The following SLC7A2 variants were observed in gnomAD, a reference collection of about 807,000 sequenced individuals.
SLC7A2 encodes solute carrier family 7 member 2, also known as cationic amino acid transporter 2.
SLC7A2 carries 48 observed loss-of-function variants against 58.9 expected under a neutral mutation model. The ratio of observed to expected loss-of-function variants is 0.82; its 90% CI spans 0.65 to 1.04. SLC7A2 has a LOEUF of 1.04. Among genes scored for constraint, SLC7A2 ranks in the 50% least tolerant of loss-of-function variants. The pLI is 0.00. For missense variants in SLC7A2, 1,029 were observed against 818.8 expected (o/e 1.26, Z -3.13); for synonymous variants, 363 against 314.5 (o/e 1.15, Z -1.63).
intron 2 of SLC7A2, among the ~76,000 whole-genome samples, chr8:17,508,153 G>A (rs1800450642): frequency 6.6e-6 from 1 of 151,904 alleles, no homozygotes; most frequent in South Asian, 2.1e-4. Context: ...ATAACAGATG[G>A]TTTGCACTTA....
chr8:17,554,776 G>A, intron 8 of SLC7A2, 77 bp downstream of exon 8: 1 of 1,476,078 alleles, frequency 6.8e-7, no homozygotes, highest in Non-Finnish European at 9.1e-7. Context: ...TACAAAGCTA[G>A]GTGGTTTTCT....
intron 2 of SLC7A2, among the ~76,000 whole-genome samples, chr8:17,529,290 G>A (rs934454913): frequency 1.3e-5 from 2 of 152,054 alleles, no homozygotes; most frequent in Non-Finnish European, 2.9e-5. Context: ...TTTTCTTAAT[G>A]TTCTCTCTGC....
intron 2 of SLC7A2, among the ~76,000 whole-genome samples, chr8:17,504,090 G>A (rs1014155446): frequency 6.6e-6 from 1 of 152,208 alleles, no homozygotes; most frequent in Non-Finnish European, 1.5e-5. Context: ...CAGAGGCCTG[G>A]CGTTTTGCAT....
At chr8:17,526,857 G>C (rs889396780) in intron 2 of SLC7A2, among the ~76,000 whole-genome samples, 2 of 152,148 alleles carry the variant, frequency 1.3e-5, no homozygotes, top group African/African-American at 4.8e-5. Context: ...TGGCGAATTT[G>C]GAAAGTTTCA....
Position 17,568,886 on chromosome 8 carries a change from C to G in SLC7A2, c.*3740C>G, listed in dbSNP as rs576034470. On this transcript the variant is annotated 3_prime_UTR_variant, in exon 13 of 13. Coordinates refer to ENST00000494857, the MANE Select transcript of SLC7A2 (RefSeq NM_001370338.1). ...TGCTGAGGTGGGAGGATCGCTTGAG[C>G]CCAGGAGAGTGAGGCTGCAGTGAGC... is the stretch of plus-strand genomic sequence containing the variant. The G allele has an allele frequency of 6.6e-6, 1 of 152,212 alleles. No homozygotes were observed. Among genetic ancestry groups the G allele is most frequent in the South Asian group, 2.1e-4 (1 of 4,822 alleles). 9.4% of individuals were successfully genotyped at this position (152,212 alleles called of 1,614,324 possible).
intron 2 of SLC7A2, among the ~76,000 whole-genome samples, chr8:17,522,995 A>T (rs1801077252): frequency 6.6e-6 from 1 of 152,116 alleles, no homozygotes; most frequent in Admixed American, 6.5e-5. Flanking sequence ...TGATCACACC[A>T]CTGCACTCCA....
At chr8:17,541,160 T>A (rs1313257267) in intron 2 of SLC7A2, among the ~76,000 whole-genome samples, 1 of 152,192 alleles carries the variant, frequency 6.6e-6, no homozygotes, top group Non-Finnish European at 1.5e-5. Context: ...TAAAAATGCT[T>A]AAATATTACA....
chr8:17,543,296 T>A (rs777732323), intron 2 of SLC7A2, 22 bp from the exon 3 acceptor site: 1 of 1,568,672 alleles, frequency 6.4e-7, no homozygotes, highest in Non-Finnish European at 8.6e-7. Flanking sequence ...GATCAGCTTC[T>A]AACCTCCTCC....
intron 2 of SLC7A2, among the ~76,000 whole-genome samples, chr8:17,537,145 C>G (rs1402863250): frequency 6.6e-6 from 1 of 152,206 alleles, no homozygotes; most frequent in Non-Finnish European, 1.5e-5. Flanking sequence ...CAACCTCTGC[C>G]TCCTGAGTTC....
At chr8:17,513,787 TG>T (rs895623559) in intron 2 of SLC7A2, among the ~76,000 whole-genome samples, 1 of 152,212 alleles carries the variant, frequency 6.6e-6, no homozygotes, top group Non-Finnish European at 1.5e-5. Context: ...ATTGACTTTT[TG>T]TCCCACTTAC....
intron 2 of SLC7A2, among the ~76,000 whole-genome samples, chr8:17,529,555 G>T (rs1259767956): frequency 6.8e-6 from 1 of 147,550 alleles, no homozygotes; most frequent in Non-Finnish European, 1.5e-5. Flanking sequence ...TTGAGAGATA[G>T]AGTCTTGCTC....
At chr8:17,536,922 C>T (rs1017930762) in intron 2 of SLC7A2, among the ~76,000 whole-genome samples, 2 of 152,202 alleles carry the variant, frequency 1.3e-5, no homozygotes, top group Non-Finnish European at 2.9e-5. Flanking sequence ...GAATCTTGCA[C>T]ACCCAGCGTT....
In SLC7A2 at chr8:17,554,605, G is replaced by T; in HGVS notation, c.1101G>T (p.Met367Ile). The T allele has an allele frequency of 2.5e-6, 4 of 1,613,402 alleles. No homozygotes were observed. The highest frequency in any genetic ancestry group is 3.4e-6 in the Non-Finnish European group (4 of 1,179,868). ...CAATGCCTCGTGTAATCTATGCTATGGCGGAGGATGGGTTGCTTTTCAAAT... is the reference window on the plus strand; with the variant it reads ...CAATGCCTCGTGTAATCTATGCTATTGCGGAGGATGGGTTGCTTTTCAAAT... The part of the protein sequence containing the change: ...IFPMPRVIYA[M>I]AEDGLLFKCL... Residue 367 changes from methionine (M) to isoleucine (I), a missense_variant, in exon 8 of 13, where the codon ATG becomes ATT. By Grantham distance (10) the Met-to-Ile change is conservative. Coordinates refer to ENST00000494857, the MANE Select transcript of SLC7A2 (RefSeq NM_001370338.1).
intron 11 of SLC7A2, among the ~76,000 whole-genome samples, chr8:17,562,373 G>A (rs554569809): frequency 6.6e-6 from 1 of 151,790 alleles, no homozygotes; most frequent in African/African-American, 2.4e-5. Flanking sequence ...CTCAGCTAAT[G>A]TTTGTATTTT....
At chr8:17,561,865 T>G (rs1585272375) in intron 10 of SLC7A2, 79 bp from the exon 11 acceptor site, 1 of 1,356,646 alleles carries the variant, frequency 7.4e-7, no homozygotes, top group East Asian at 2.3e-5. Context: ...CAGTGTTTTA[T>G]CAGAATATGC....
chr8:17,495,894 T>C (rs539914560), upstream of SLC7A2, among the ~76,000 whole-genome samples: 24 of 152,330 alleles, frequency 1.6e-4, no homozygotes, highest in Admixed American at 7.8e-4. Flanking sequence ...CTTCCTGAGA[T>C]ACATTGAGAT....
rs542075099 is a variant in SLC7A2, at chr8:17,514,954, C to G, written c.-23+12652C>G. Among the ~76,000 whole-genome samples the G allele has an allele frequency of 5.3e-5, 8 of 152,212 alleles. No homozygotes were observed. The East Asian group carries it at 1.2e-3, about 22-fold the overall frequency. On this transcript the variant is annotated intron_variant, in intron 2 of 12. Transcript: ENST00000494857. ...GATAAAACAGCGTTTCATTTCTGAT[C>G]TTGTAGGAAATTGTTTTATGTAATG... is the stretch of plus-strand genomic sequence containing the variant.
rs144901630 is a variant in SLC7A2 at position 17,564,265 on chromosome 8, T to C, written c.1780+554T>C. ...TGTATTTAGGGTATAATTTGAGACT[T>C]TATTCCACATATCATTTTGTTTAAA... On this transcript the variant is annotated intron_variant, in intron 12 of 12. Coordinates refer to ENST00000494857, the MANE Select transcript of SLC7A2 (RefSeq NM_001370338.1). 4.1e-3 allele frequency among the ~76,000 whole-genome samples: 629 copies of C among 152,330 alleles called. 4 individuals carry two copies. The highest frequency in any genetic ancestry group is 0.014 in the African/African-American group (592 of 41,572).
chr8:17,559,068 C>T (rs909463403), intron 9 of SLC7A2, among the ~76,000 whole-genome samples: 1 of 151,982 alleles, frequency 6.6e-6, no homozygotes, highest in Non-Finnish European at 1.5e-5. Context: ...TTGAATTTCT[C>T]CTGTATACTT....
Sources: allele counts gnomAD v4.1 joint callset (sites outside exome capture counted in the v4.1 genomes callset), GRCh38; gene constraint gnomAD v4.1.1; transcripts MANE v1.5; gene names NCBI Gene and HGNC (gene_info 2026-07-23, HGNC 2026-07-21).